Variants in TMEM163 observed in about 807,000 individuals in gnomAD.
The protein encoded by TMEM163 is transmembrane protein 163.
TMEM163 carries 17 observed loss-of-function variants against 29.3 expected under a neutral mutation model. The observed-to-expected ratio is 0.58, with a 90% confidence interval of 0.40 to 0.87. The LOEUF is 0.87. Ranked by LOEUF, TMEM163 falls within the 40% of genes least tolerant of loss-of-function variation. The probability of loss-of-function intolerance (pLI) is 0.00; values close to 1 mark genes in which losing one functional copy is unlikely to be tolerated. For synonymous variants in TMEM163, 157 were observed against 160.6 expected (o/e 0.98, Z 0.17); for missense variants, 303 against 381.5 (o/e 0.79, Z 1.71).
At chr2:134,474,223 C>A (rs553845460) in intron 5 of TMEM163, among the ~76,000 whole-genome samples, 10 of 152,296 alleles carry the variant, frequency 6.6e-5, no homozygotes, top group African/African-American at 2.2e-4. Flanking sequence ...TCAATCAAAG[C>A]AATTTCCCAT....
chr2:134,569,357 A>T (rs1359346082), intron 2 of TMEM163, among the ~76,000 whole-genome samples: 1 of 152,190 alleles, frequency 6.6e-6, no homozygotes, highest in Non-Finnish European at 1.5e-5. Flanking sequence ...AAGGGACCAC[A>T]GTGGGCCCCT....
At chr2:134,663,751 C>T (rs1488031539) in intron 2 of TMEM163, among the ~76,000 whole-genome samples, 1 of 152,250 alleles carries the variant, frequency 6.6e-6, no homozygotes, top group Non-Finnish European at 1.5e-5. Flanking sequence ...CAGGGAGATG[C>T]TGTGTGTTAG....
chr2:134,715,509 G>A (rs1472554172), intron 1 of TMEM163, among the ~76,000 whole-genome samples: 3 of 152,170 alleles, frequency 2.0e-5, no homozygotes, highest in Non-Finnish European at 1.5e-5. Context: ...AAAAATGGAA[G>A]GACTTTCCCA....
intron 4 of TMEM163, among the ~76,000 whole-genome samples, chr2:134,542,794 C>A (rs774621002): frequency 7.9e-5 from 12 of 152,236 alleles, no homozygotes; most frequent in Middle Eastern, 3.4e-3. Flanking sequence ...GTCTGCAGGG[C>A]CACCCTCCCT....
At chr2:134,530,822 T>C (rs1680399713) in intron 4 of TMEM163, among the ~76,000 whole-genome samples, 1 of 152,184 alleles carries the variant, frequency 6.6e-6, no homozygotes, top group South Asian at 2.1e-4. Context: ...TGTGCAAATA[T>C]ATTTTCGCCC....
intron 2 of TMEM163, among the ~76,000 whole-genome samples, chr2:134,659,038 A>G (rs370061966): frequency 1.3e-5 from 2 of 152,236 alleles, no homozygotes; most frequent in African/African-American, 4.8e-5. Flanking sequence ...GTGTACTTAC[A>G]CAGACCTAGA....
At chr2:134,700,159 T>C (rs1294137470) in intron 2 of TMEM163, among the ~76,000 whole-genome samples, 1 of 152,246 alleles carries the variant, frequency 6.6e-6, no homozygotes, top group East Asian at 1.9e-4. Context: ...CTATGCTATT[T>C]GTATTATGTA....
chr2:134,606,973 A>G (rs528132626), intron 2 of TMEM163, among the ~76,000 whole-genome samples: 11 of 123,740 alleles, frequency 8.9e-5, no homozygotes, highest in African/African-American at 3.3e-4. Context: ...TACTGGTGAA[A>G]AGGAGGACAG....
intron 2 of TMEM163, among the ~76,000 whole-genome samples, chr2:134,625,858 G>A (rs967896161): frequency 6.6e-6 from 1 of 152,072 alleles, no homozygotes. Flanking sequence ...CCCACCAACC[G>A]TCCCACTGTG....
rs112806615 is a variant in TMEM163 at position 134,684,513 on chromosome 2, G to C, written c.322+28687C>G. On this transcript the variant is annotated intron_variant, in intron 2 of 7. Coordinates refer to ENST00000281924, the MANE Select transcript of TMEM163 (RefSeq NM_030923.5). ...TCTTCTGAGGGAACCCCATGAGCAA[G>C]GGGCACCTCGGAGTCTGAGCTATCA... Among the ~76,000 whole-genome samples the C allele has an allele frequency of 1.3e-4, 20 of 152,302 alleles. 1 individual carries two copies. The highest frequency in any genetic ancestry group is 4.1e-4 in the African/African-American group (17 of 41,552).
intron 2 of TMEM163, among the ~76,000 whole-genome samples, chr2:134,558,742 A>G (rs1327940511): frequency 6.6e-6 from 1 of 152,232 alleles, no homozygotes; most frequent in Non-Finnish European, 1.5e-5. Flanking sequence ...CAGGATTTGC[A>G]GCAAAAATGA....
chr2:134,474,453 G>T (rs960228401), intron 5 of TMEM163, among the ~76,000 whole-genome samples: 1 of 149,720 alleles, frequency 6.7e-6, no homozygotes, highest in African/African-American at 2.5e-5. Context: ...GTGAAAAAAT[G>T]AATGTTACTC....
At chr2:134,702,687 T>G (rs1286707047) in intron 2 of TMEM163, among the ~76,000 whole-genome samples, 1 of 151,712 alleles carries the variant, frequency 6.6e-6, no homozygotes, top group Non-Finnish European at 1.5e-5. Flanking sequence ...AAAAAAATTT[T>G]CAAAAAAGAT....
chr2:134,511,038 T>C (rs1455707684), intron 4 of TMEM163, among the ~76,000 whole-genome samples: 1 of 150,724 alleles, frequency 6.6e-6, no homozygotes, highest in Non-Finnish European at 1.5e-5. Flanking sequence ...GGATTTGGCA[T>C]GAACAGGACA....
At chr2:134,462,518 G>A (rs923025292) in intron 6 of TMEM163, among the ~76,000 whole-genome samples, 6 of 152,112 alleles carry the variant, frequency 3.9e-5, no homozygotes, top group Non-Finnish European at 7.4e-5. Context: ...CCTGAAGGAC[G>A]GCTCTTCCCC....
At chr2:134,501,454 T>C (rs372234483) in intron 5 of TMEM163, among the ~76,000 whole-genome samples, 2 of 152,206 alleles carry the variant, frequency 1.3e-5, no homozygotes, top group African/African-American at 4.8e-5. Flanking sequence ...CTGCTGGAAA[T>C]TAATTTTTAA....
chr2:134,494,947 TG>T (rs2106483956), intron 5 of TMEM163, among the ~76,000 whole-genome samples: 1 of 152,276 alleles, frequency 6.6e-6, no homozygotes, highest in African/African-American at 2.4e-5. Flanking sequence ...GCAGCAATCC[TG>T]GGAAACCATT....
intron 5 of TMEM163, among the ~76,000 whole-genome samples, chr2:134,488,506 G>A (rs1260688487): frequency 6.6e-6 from 1 of 152,166 alleles, no homozygotes; most frequent in African/African-American, 2.4e-5. Flanking sequence ...GAACTGCCAG[G>A]AGCTCTCAGG....
At chr2:134,486,717 A>G (rs1287190325) in intron 5 of TMEM163, among the ~76,000 whole-genome samples, 1 of 152,238 alleles carries the variant, frequency 6.6e-6, no homozygotes, top group South Asian at 2.1e-4. Flanking sequence ...GGGCACGGAA[A>G]AGTAGAAAAG....
Sources: allele counts gnomAD v4.1 joint callset (sites outside exome capture counted in the v4.1 genomes callset), GRCh38; gene constraint gnomAD v4.1.1; transcripts MANE v1.5; gene names NCBI Gene and HGNC (gene_info 2026-07-23, HGNC 2026-07-21).